The following ACSS3 variants were observed in gnomAD, a reference collection of about 807,000 sequenced individuals.
ACSS3 encodes acyl-CoA synthetase short-chain family member 3, mitochondrial.
Under a neutral mutation model 84.2 loss-of-function variants are expected in ACSS3, and 64 were observed. The observed-to-expected ratio is 0.76, with a 90% confidence interval of 0.62 to 0.94. The LOEUF (loss-of-function observed/expected upper bound fraction) is 0.94. Among genes scored for constraint, ACSS3 ranks in the 40% least tolerant of loss-of-function variants. ACSS3 has a pLI of 0.00. For synonymous variants in ACSS3, 317 were observed against 310.1 expected, an observed-to-expected ratio of 1.02 and a Z score of -0.23; for missense variants, 815 against 867.6, an observed-to-expected ratio of 0.94 and a Z score of 0.76.
At chr12:81,246,831 G>T (rs2033999335) in intron 13 of ACSS3, among the ~76,000 whole-genome samples, 1 of 151,944 alleles carries the variant, frequency 6.6e-6, no homozygotes, top group Non-Finnish European at 1.5e-5. Context: ...ATAGCTATTG[G>T]GTACTAGGCT....
chr12:81,196,763 C>T (rs1451345611), intron 8 of ACSS3, among the ~76,000 whole-genome samples: 2 of 151,950 alleles, frequency 1.3e-5, no homozygotes, highest in African/African-American at 4.8e-5. Context: ...TCTCACATAG[C>T]GAGAGAGGAA....
intron 13 of ACSS3, among the ~76,000 whole-genome samples, chr12:81,243,648 G>A (rs938939879): frequency 6.6e-6 from 1 of 152,118 alleles, no homozygotes; most frequent in Admixed American, 6.5e-5. Context: ...CATGGTACTG[G>A]TACCAAAACA....
chr12:81,102,068 C>CACAT (rs759696255), intron 1 of ACSS3, among the ~76,000 whole-genome samples: 1 of 146,460 alleles, frequency 6.8e-6, no homozygotes, highest in East Asian at 2.0e-4. Flanking sequence ...CACACACACA[C>CACAT]ATATTCTAGC....
rs146115032 is a variant in ACSS3 at position 81,199,370 on chromosome 12, G to A, written c.1280G>A (p.Arg427Gln). ...AAAACATTATTTGTGGCTGGAGAAC[G>A]ATGTGATGTAGAGACCCTGGAATGG... ...RFKTLFVAGE[R>Q]CDVETLEWSK... Residue 427 changes from arginine (R) to glutamine (Q), a missense_variant, in exon 9 of 16, where the codon CGA becomes CAA. Transcript: ENST00000548058. 1.2e-6 allele frequency: 2 copies of A among 1,613,416 alleles called. No homozygotes were observed. The highest frequency in any genetic ancestry group is 1.1e-5 in the South Asian group (1 of 91,028).
rs1020468851 is a variant in ACSS3 at position 81,088,065 on chromosome 12, C to T, written c.311+9634C>T. ...GGAAGATTGGTCTTCCCCACATATA[C>T]GTGATTATGCGATTAGCTTTGGCCA... On this transcript the variant is annotated intron_variant, in intron 1 of 15. Transcript: ENST00000548058. Among the ~76,000 whole-genome samples, 11 of 152,106 alleles carry T rather than the reference C, an allele frequency of 7.2e-5. No homozygotes were observed. In the East Asian group the frequency reaches 7.7e-4, roughly 11 times the overall value.
At chr12:81,199,586 C>A in intron 9 of ACSS3, 142 bp downstream of exon 9, 1 of 1,475,688 alleles carries the variant, frequency 6.8e-7, no homozygotes, top group Non-Finnish European at 9.1e-7. Flanking sequence ...TAAAAATAAG[C>A]AATTTTTTTA....
intron 1 of ACSS3, among the ~76,000 whole-genome samples, chr12:81,083,072 G>T (rs1474331714): frequency 6.6e-6 from 1 of 152,194 alleles, no homozygotes; most frequent in Non-Finnish European, 1.5e-5. Flanking sequence ...AAAACATAGA[G>T]GTAAGAAAAG....
intron 1 of ACSS3, among the ~76,000 whole-genome samples, chr12:81,109,180 T>C (rs542894483): frequency 4.6e-5 from 7 of 152,284 alleles, no homozygotes; most frequent in Non-Finnish European, 7.4e-5. Context: ...GTCACACATC[T>C]GCCATTTGCC....
At chr12:81,150,518 G>A (rs542254853) in intron 5 of ACSS3, among the ~76,000 whole-genome samples, 27 of 152,328 alleles carry the variant, frequency 1.8e-4, no homozygotes, top group Admixed American at 1.0e-3. Context: ...GAAGGTGCAC[G>A]TGTAAAGCCT....
At chr12:81,121,915 ATATTAT>A (rs10527532) in intron 2 of ACSS3, among the ~76,000 whole-genome samples, 12,256 of 146,060 alleles carry the variant, frequency 0.084, 610 homozygotes, top group Non-Finnish European at 0.12. Context: ...AGAGTATGCT[ATATTAT>A]TATTATTATT....
chr12:81,177,394 T>G (rs7959317), intron 8 of ACSS3, among the ~76,000 whole-genome samples: 5 of 152,128 alleles, frequency 3.3e-5, no homozygotes, highest in Admixed American at 2.6e-4. Context: ...GATAATATGA[T>G]TCTATACTTA....
rs1447452830 is a variant in ACSS3, at chr12:81,258,295, G to A, written c.*3373G>A. On this transcript the variant is annotated 3_prime_UTR_variant, in exon 16 of 16. Coordinates refer to ENST00000548058, the MANE Select transcript of ACSS3 (RefSeq NM_024560.4). Reference sequence around the variant, plus strand: ...ATTATTATTTTTTTTATTGACAATGGAAAGGGTTTCTGTTATCATTACCTT... The same window carrying A: ...ATTATTATTTTTTTTATTGACAATGAAAAGGGTTTCTGTTATCATTACCTT... 1 of 152,028 alleles carries A rather than the reference G, an allele frequency of 6.6e-6. No individual in the cohort carries two copies. The highest frequency in any genetic ancestry group is 1.5e-5 in the Non-Finnish European group (1 of 67,984). 9.4% of individuals were successfully genotyped at this position (152,028 alleles called of 1,614,324 possible). A position where few individuals can be genotyped will look rare whatever the true frequency, so the allele number is the denominator to read the frequency against.
At chr12:81,213,902 GTCCT>G (rs1305105388) in intron 9 of ACSS3, among the ~76,000 whole-genome samples, 2,333 of 21,618 alleles carry the variant, frequency 0.11, 212 homozygotes, top group Non-Finnish European at 0.18. Flanking sequence ...TCTTTCTTTT[GTCCT>G]TCCTTCCTTC....
chr12:81,183,976 A>C (rs1286914963), intron 8 of ACSS3, among the ~76,000 whole-genome samples: 1 of 151,940 alleles, frequency 6.6e-6, no homozygotes, highest in East Asian at 1.9e-4. Flanking sequence ...CTTCCAACAG[A>C]AGCAGAGTAC....
At chr12:81,132,566 T>C (rs1319215750) in intron 2 of ACSS3, among the ~76,000 whole-genome samples, 1 of 152,172 alleles carries the variant, frequency 6.6e-6, no homozygotes, top group Non-Finnish European at 1.5e-5. Flanking sequence ...TTGTTGATCT[T>C]TTCAAAAAAC....
chr12:81,103,199 C>T (rs917815220), intron 1 of ACSS3, among the ~76,000 whole-genome samples: 3 of 152,102 alleles, frequency 2.0e-5, no homozygotes, highest in Non-Finnish European at 2.9e-5. Flanking sequence ...GGGAAAAACT[C>T]GTAATGTAGT....
intron 10 of ACSS3, among the ~76,000 whole-genome samples, chr12:81,219,576 T>C (rs1482205574): frequency 6.6e-6 from 1 of 152,132 alleles, no homozygotes; most frequent in Non-Finnish European, 1.5e-5. Flanking sequence ...CCTAAGTGGA[T>C]ATTACGCTTT....
chr12:81,258,713 T>C lies in ACSS3; in HGVS notation c.*3791T>C, dbSNP rs1452546229. On this transcript the variant is annotated 3_prime_UTR_variant, in exon 16 of 16. Coordinates refer to ENST00000548058, the MANE Select transcript of ACSS3 (RefSeq NM_024560.4). ...GAGTCTGGCTAATGCCCTGTTACAT[T>C]GACAAAAGGGAAAGGTATCTTGGGT... 2 of 152,060 alleles carry C rather than the reference T, an allele frequency of 1.3e-5. No homozygotes were observed. Among genetic ancestry groups the C allele is most frequent in the Non-Finnish European group, 2.9e-5 (2 of 68,016 alleles). 9.4% of individuals were successfully genotyped at this position (152,060 alleles called of 1,614,324 possible).
chr12:81,202,370 C>T (rs2032150530), intron 9 of ACSS3, among the ~76,000 whole-genome samples: 1 of 151,950 alleles, frequency 6.6e-6, no homozygotes. Flanking sequence ...ATGTTTGATT[C>T]TGGGTGAAAG....
Sources: allele counts gnomAD v4.1 joint callset (sites outside exome capture counted in the v4.1 genomes callset), GRCh38; gene constraint gnomAD v4.1.1; transcripts MANE v1.5; gene names NCBI Gene and HGNC (gene_info 2026-07-23, HGNC 2026-07-21).